The following KCNN2 variants were observed in gnomAD, a reference collection of about 807,000 sequenced individuals.
KCNN2 encodes small conductance calcium-activated potassium channel protein 2.
KCNN2 carries 24 observed loss-of-function variants against 55.5 expected under a neutral mutation model. The ratio of observed to expected loss-of-function variants is 0.43; its 90% CI spans 0.31 to 0.61. KCNN2 has a LOEUF of 0.61. KCNN2 is among the 20% of genes least tolerant of loss of function. The probability of loss-of-function intolerance (pLI) is 0.08; values close to 1 mark genes in which losing one functional copy is unlikely to be tolerated. For missense variants in KCNN2, 754 were observed against 853.6 expected (o/e 0.88, Z 1.45); for synonymous variants, 431 against 336.1 (o/e 1.28, Z -3.09).
chr5:114,099,445 G>C (rs1351666017), intron 1 of KCNN2, among the ~76,000 whole-genome samples: 3 of 152,102 alleles, frequency 2.0e-5, no homozygotes, highest in Admixed American at 6.6e-5. Flanking sequence ...TTGAGGAAAA[G>C]TTAAGACTAT....
At chr5:114,247,621 A>G (rs1364471533) in intron 2 of KCNN2, among the ~76,000 whole-genome samples, 2 of 152,180 alleles carry the variant, frequency 1.3e-5, no homozygotes, top group East Asian at 1.9e-4. Flanking sequence ...TAACTTGCCT[A>G]ATGTTTTTAG....
chr5:114,215,426 T>C (rs1315038347), intron 1 of KCNN2, among the ~76,000 whole-genome samples: 1 of 152,088 alleles, frequency 6.6e-6, no homozygotes, highest in Non-Finnish European at 1.5e-5. Context: ...TTGTGAAACA[T>C]ATTCCTTATA....
intron 2 of KCNN2, among the ~76,000 whole-genome samples, chr5:114,396,428 T>C (rs1561605973): frequency 6.6e-6 from 1 of 152,200 alleles, no homozygotes; most frequent in Non-Finnish European, 1.5e-5. Flanking sequence ...TGGATATTTT[T>C]AAACTTTTAT....
chr5:114,345,492 A>G (rs1459525582), intron 2 of KCNN2, among the ~76,000 whole-genome samples: 1 of 152,230 alleles, frequency 6.6e-6, no homozygotes, highest in African/African-American at 2.4e-5. Flanking sequence ...ATTAAAATCA[A>G]CCAGGATGTA....
intron 3 of KCNN2, among the ~76,000 whole-genome samples, chr5:114,425,329 T>A (rs1316814883): frequency 6.6e-6 from 1 of 152,120 alleles, no homozygotes; most frequent in Non-Finnish European, 1.5e-5. Context: ...CCCACATTGC[T>A]AATTCCATAG....
chr5:114,495,096 A>G (rs1251878546), intron 7 of KCNN2, among the ~76,000 whole-genome samples: 9 of 152,126 alleles, frequency 5.9e-5, no homozygotes, highest in African/African-American at 2.2e-4. Flanking sequence ...ATACCTAGAA[A>G]TCAGAGTTAT....
chr5:114,144,762 A>G (rs1227731903), intron 1 of KCNN2, among the ~76,000 whole-genome samples: 1 of 143,378 alleles, frequency 7.0e-6, no homozygotes, highest in Non-Finnish European at 1.5e-5. Context: ...GTTTTGTTGG[A>G]TTCCATATAG....
chr5:114,162,277 T>C (rs1752803368), intron 1 of KCNN2, among the ~76,000 whole-genome samples: 1 of 152,218 alleles, frequency 6.6e-6, no homozygotes. Context: ...CTCCAGACCC[T>C]GTTTGCATGG....
chr5:114,480,060 A>G (rs1391900977), intron 5 of KCNN2, among the ~76,000 whole-genome samples: 1 of 152,144 alleles, frequency 6.6e-6, no homozygotes, highest in Non-Finnish European at 1.5e-5. Context: ...CCCTTCAAAA[A>G]AAAATCAACA....
At chr5:114,084,912 A>T (rs984598004) in intron 1 of KCNN2, among the ~76,000 whole-genome samples, 5 of 152,010 alleles carry the variant, frequency 3.3e-5, no homozygotes, top group East Asian at 1.9e-4. Flanking sequence ...TTTTTAAAAG[A>T]TTGTCTTCTC....
chr5:114,303,018 A>G (rs911512027), intron 2 of KCNN2, among the ~76,000 whole-genome samples: 2 of 152,202 alleles, frequency 1.3e-5, no homozygotes, highest in Non-Finnish European at 2.9e-5. Context: ...AGAGGCAGTA[A>G]ACTTCGATAT....
intron 1 of KCNN2, among the ~76,000 whole-genome samples, chr5:114,079,848 A>T (rs4989585): frequency 0.49 from 58,287 of 120,144 alleles, 12,020 homozygotes; most frequent in East Asian, 0.57. Flanking sequence ...TGTGTGTGAG[A>T]GAGAGAGAGA....
chr5:114,421,417 A>T (rs1480074729), intron 3 of KCNN2, among the ~76,000 whole-genome samples: 5 of 152,026 alleles, frequency 3.3e-5, no homozygotes, highest in Non-Finnish European at 7.4e-5. Flanking sequence ...CAGCCTCCCG[A>T]GTAGCTGGGA....
intron 2 of KCNN2, among the ~76,000 whole-genome samples, chr5:114,269,527 A>G (rs1580677119): frequency 6.7e-6 from 1 of 149,794 alleles, no homozygotes; most frequent in East Asian, 1.9e-4. Flanking sequence ...GGTTGGGGGA[A>G]TATCATAGAC....
intron 2 of KCNN2, among the ~76,000 whole-genome samples, chr5:114,236,607 C>A (rs1754497963): frequency 6.6e-6 from 1 of 152,068 alleles, no homozygotes; most frequent in Admixed American, 6.5e-5. Flanking sequence ...TGACATTAGG[C>A]CATATGTATG....
intron 3 of KCNN2, among the ~76,000 whole-genome samples, chr5:114,420,286 A>C (rs1759435504): frequency 6.6e-6 from 1 of 152,250 alleles, no homozygotes; most frequent in African/African-American, 2.4e-5. Context: ...CTCTCTCTGC[A>C]AGCATGTAAA....
intron 1 of KCNN2, among the ~76,000 whole-genome samples, chr5:114,140,362 T>C (rs1406211554): frequency 6.6e-6 from 1 of 152,198 alleles, no homozygotes; most frequent in Non-Finnish European, 1.5e-5. Context: ...GCTGTGCTGC[T>C]TTGCCTTCTA....
intron 2 of KCNN2, among the ~76,000 whole-genome samples, chr5:114,386,745 G>C (rs998270684): frequency 6.6e-6 from 1 of 152,194 alleles, no homozygotes; most frequent in Non-Finnish European, 1.5e-5. Context: ...AAGGGATGCT[G>C]TAAGTTAAGG....
intron 1 of KCNN2, among the ~76,000 whole-genome samples, chr5:114,089,392 T>C (rs1751088721): frequency 6.6e-6 from 1 of 152,174 alleles, no homozygotes; most frequent in African/African-American, 2.4e-5. Flanking sequence ...ACGTCTTCAA[T>C]CTGGCTCACC....
Sources: allele counts gnomAD v4.1 joint callset (sites outside exome capture counted in the v4.1 genomes callset), GRCh38; gene constraint gnomAD v4.1.1; transcripts MANE v1.5; gene names NCBI Gene and HGNC (gene_info 2026-07-23, HGNC 2026-07-21).